The following ARHGEF33 variants were observed in gnomAD, a reference collection of about 807,000 sequenced individuals.
ARHGEF33 encodes the protein DH and coiled-coil domain-containing protein ENSP00000381780.
ARHGEF33 carries 72 observed loss-of-function variants against 101.9 expected under a neutral mutation model. That is an observed-to-expected ratio of 0.71 (90% CI 0.58 to 0.86). The LOEUF is 0.86. ARHGEF33 is among the 40% of genes least tolerant of loss of function. ARHGEF33 has a pLI of 0.00. For synonymous variants in ARHGEF33, 499 were observed against 442.5 expected (o/e 1.13, Z -1.60); for missense variants, 1,169 against 1,111.3 (o/e 1.05, Z -0.74).
chr2:38,914,944 A>AT (rs947986061), intron 2 of ARHGEF33, among the ~76,000 whole-genome samples: 25 of 149,718 alleles, frequency 1.7e-4, no homozygotes, highest in East Asian at 7.8e-4. Context: ...ATAATGGTCC[A>AT]TTTTTTTTTT....
At chr2:38,916,033 A>T (rs1666625505) in intron 2 of ARHGEF33, among the ~76,000 whole-genome samples, 1 of 152,228 alleles carries the variant, frequency 6.6e-6, no homozygotes, top group Non-Finnish European at 1.5e-5. Context: ...TACAAAAAAT[A>T]AAATAAAAGA....
Position 38,935,813 on chromosome 2 carries a change from G to A in ARHGEF33, c.544G>A (p.Val182Ile). 6.4e-7 allele frequency: 1 copy of A among 1,551,982 alleles called. No homozygotes were observed. Among genetic ancestry groups the A allele is most frequent in the Non-Finnish European group, 8.7e-7 (1 of 1,146,874 alleles). Residue 182 changes from valine to isoleucine, a missense_variant, in exon 8 of 18, where the codon GTA becomes ATA. Coordinates refer to ENST00000409978, the MANE Select transcript of ARHGEF33 (RefSeq NM_001145451.5). The part of the protein sequence containing the change: ...SRSVHVGDSN[V>I]KGMMGPGVNP... Reference sequence around the variant, plus strand: ...ATCTGTTCATGTAGGAGACAGTAATGTAAAAGGAATGATGGGTCCTGGTAA... The same window carrying A: ...ATCTGTTCATGTAGGAGACAGTAATATAAAAGGAATGATGGGTCCTGGTAA...
Position 38,950,973 on chromosome 2 carries a change from T to C in ARHGEF33, c.921-16T>C. 1 of 1,550,916 alleles carries C rather than the reference T, an allele frequency of 6.4e-7. No individual in the cohort carries two copies. The highest frequency in any genetic ancestry group is 1.2e-5 in the South Asian group (1 of 83,670). On this transcript the variant is annotated splice_polypyrimidine_tract_variant and intron_variant, in intron 10 of 17. Coordinates refer to ENST00000409978, the MANE Select transcript of ARHGEF33 (RefSeq NM_001145451.5). ...TACACCTTGTTTGTGTGATTCCGTCTCTATTCTGTTTCAAGCCTCTTCCCT... is the reference window on the plus strand; with the variant it reads ...TACACCTTGTTTGTGTGATTCCGTCCCTATTCTGTTTCAAGCCTCTTCCCT...
In ARHGEF33 at chr2:38,929,780, C is replaced by T. The variant is rs748107563; in HGVS notation, c.312C>T (p.Ile104=). The T allele has an allele frequency of 1.2e-5, 19 of 1,551,494 alleles. No individual in the cohort carries two copies. In the Admixed American group the frequency reaches 2.0e-4, roughly 16 times the overall value. ...AACAAGAAGAAATGCAACAGAAAAT[C>T]GAGCAGCTTCAACAGGAGAAGCGAA... The part of the protein sequence containing the change: ...TSKQEEMQQK[I]EQLQQEKRRE... Residue 104 remains isoleucine, a synonymous_variant, in exon 6 of 18, where the codon ATC becomes ATT. Coordinates refer to ENST00000409978, the MANE Select transcript of ARHGEF33 (RefSeq NM_001145451.5).
chr2:38,902,639 G>C (rs1666275044), intron 2 of ARHGEF33, among the ~76,000 whole-genome samples: 1 of 152,020 alleles, frequency 6.6e-6, no homozygotes, highest in Non-Finnish European at 1.5e-5. Context: ...GTTTCGTTTG[G>C]TCCTTCCGAA....
At chr2:38,911,887 T>A (rs1666516773) in intron 2 of ARHGEF33, among the ~76,000 whole-genome samples, 1 of 151,508 alleles carries the variant, frequency 6.6e-6, no homozygotes, top group Non-Finnish European at 1.5e-5. Flanking sequence ...AATAAAAAAA[T>A]AAAAAAAGGA....
chr2:38,944,694 G>T (rs751503662), intron 10 of ARHGEF33, among the ~76,000 whole-genome samples: 1 of 152,162 alleles, frequency 6.6e-6, no homozygotes, highest in Non-Finnish European at 1.5e-5. Context: ...GGAGGCGTTG[G>T]TCTCTGTTGC....
intron 10 of ARHGEF33, among the ~76,000 whole-genome samples, chr2:38,945,969 C>T (rs191671168): frequency 3.5e-4 from 53 of 152,302 alleles, no homozygotes; most frequent in Non-Finnish European, 1.2e-4. Context: ...ATACATCATA[C>T]CACTTCCCCA....
At chr2:38,901,641 T>C (rs549893847) in intron 2 of ARHGEF33, among the ~76,000 whole-genome samples, 158 of 152,338 alleles carry the variant, frequency 1.0e-3, no homozygotes, top group Non-Finnish European at 8.1e-4. Context: ...AGGACCAAAA[T>C]GCAAAGCATA....
intron 9 of ARHGEF33, among the ~76,000 whole-genome samples, chr2:38,940,570 CTGT>C (rs576649618): frequency 5.3e-5 from 8 of 152,056 alleles, no homozygotes; most frequent in African/African-American, 1.9e-4. Flanking sequence ...CTGTTTGTTG[CTGT>C]TGTTGATTTT....
At chr2:38,961,647 C>T (rs576100314) in intron 16 of ARHGEF33, among the ~76,000 whole-genome samples, 2 of 152,142 alleles carry the variant, frequency 1.3e-5, no homozygotes, top group South Asian at 4.2e-4. Flanking sequence ...TGTCTTGTAC[C>T]AGGCTCTGTG....
At chr2:38,950,181 C>G (rs947677481) in intron 10 of ARHGEF33, among the ~76,000 whole-genome samples, 9 of 152,174 alleles carry the variant, frequency 5.9e-5, no homozygotes, top group African/African-American at 2.2e-4. Context: ...CTCTGATACC[C>G]TACAACTCCC....
chr2:38,965,730 A>G (rs974185464), intron 16 of ARHGEF33, among the ~76,000 whole-genome samples: 2 of 152,174 alleles, frequency 1.3e-5, no homozygotes, highest in Non-Finnish European at 2.9e-5. Flanking sequence ...AACATTAGCT[A>G]ATGTTCTTTA....
rs535493475 is a variant in ARHGEF33 at position 38,916,638 on chromosome 2, C to G, written c.-85-2725C>G. 5.9e-5 allele frequency among the ~76,000 whole-genome samples: 9 copies of G among 152,250 alleles called. 1 individual carries two copies. In the South Asian group the frequency reaches 1.9e-3, roughly 32 times the overall value. On this transcript the variant is annotated intron_variant, in intron 2 of 17. Coordinates refer to ENST00000409978, the MANE Select transcript of ARHGEF33 (RefSeq NM_001145451.5). ...CATATGGCCTTGACTTTGGGCTTTT[C>G]TTTATATTCCTCATTTATAACCATG... is the stretch of plus-strand genomic sequence containing the variant.
chr2:38,933,671 G>C (rs572340657), intron 7 of ARHGEF33, among the ~76,000 whole-genome samples: 1 of 152,136 alleles, frequency 6.6e-6, no homozygotes, highest in Non-Finnish European at 1.5e-5. Flanking sequence ...CACCACGACC[G>C]ACCCATAGTC....
At chr2:38,901,331 C>A (rs970761423) in intron 2 of ARHGEF33, among the ~76,000 whole-genome samples, 1 of 152,140 alleles carries the variant, frequency 6.6e-6, no homozygotes, top group African/African-American at 2.4e-5. Context: ...CTCCTTCATC[C>A]CGCTCTAACA....
At chr2:38,904,264 C>T (rs139762032) in intron 2 of ARHGEF33, among the ~76,000 whole-genome samples, 1 of 152,220 alleles carries the variant, frequency 6.6e-6, no homozygotes, top group East Asian at 1.9e-4. Flanking sequence ...GCAGACCAGG[C>T]AGCAGGGAGA....
At chr2:38,924,275 T>C (rs1250729914) in intron 4 of ARHGEF33, among the ~76,000 whole-genome samples, 1 of 152,212 alleles carries the variant, frequency 6.6e-6, no homozygotes, top group Non-Finnish European at 1.5e-5. Flanking sequence ...GGTGAATGTG[T>C]GTAATTGTTA....
rs1030150406 is a variant in ARHGEF33 at position 38,959,939 on chromosome 2, A to C, written c.1634A>C (p.Lys545Thr). 1 of 1,551,526 alleles carries C rather than the reference A, an allele frequency of 6.4e-7. No homozygotes were observed. The highest frequency in any genetic ancestry group is 1.4e-5 in the African/African-American group (1 of 73,052). The change falls in exon 16 of 18, where the codon AAG (lysine) becomes ACG (threonine). Residue 545 changes from lysine to threonine, a missense_variant. Lys to Thr is a moderately conservative substitution (Grantham distance 78). Coordinates refer to ENST00000409978, the MANE Select transcript of ARHGEF33 (RefSeq NM_001145451.5). ...AGTGACTGGGAGCTGGAGGGCAGGA[A>C]GCACGAGCGGCCCGAGAGCCTTCTG... ...KPSDWELEGRKHERPESLLAP... is the reference protein window; with the variant it reads ...KPSDWELEGRTHERPESLLAP...
Sources: gnomAD v4.1 joint callset for allele counts (sites outside exome capture counted in the v4.1 genomes callset) on GRCh38, gnomAD v4.1.1 for gene constraint, MANE v1.5 for transcripts, NCBI Gene and HGNC (gene_info 2026-07-23, HGNC 2026-07-21) for gene names.